The following PRKN variants were observed in gnomAD, a reference collection of about 807,000 sequenced individuals.
PRKN encodes parkin RBR E3 ubiquitin protein ligase, also known as E3 ubiquitin-protein ligase parkin.
In PRKN, 56 loss-of-function variants were observed where a neutral mutation model predicts 59.5. That is an observed-to-expected ratio of 0.94 (90% confidence interval 0.76 to 1.18). PRKN has a LOEUF of 1.18. Among genes scored for constraint, PRKN ranks in the 50% most tolerant of loss-of-function variants. The pLI, the probability that PRKN is intolerant of heterozygous loss-of-function variation, is 0.00. For synonymous variants in PRKN, 250 were observed against 222.1 expected, an observed-to-expected ratio of 1.13 and a Z score of -1.12; for missense variants, 657 against 596.4, an observed-to-expected ratio of 1.10 and a Z score of -1.06.
chr6:162,563,550 C>T (rs987623465), intron 1 of PRKN, among the ~76,000 whole-genome samples: 1 of 152,144 alleles, frequency 6.6e-6, no homozygotes, highest in Non-Finnish European at 1.5e-5. Context: ...AAGATGGCTA[C>T]AAATAAGCCC....
In PRKN at chr6:161,533,937, A is replaced by G. The variant is rs1312711602; in HGVS notation, c.1083+14917T>C. On this transcript the variant is annotated intron_variant, in intron 9 of 11. Transcript: ENST00000366898. This position sits in a 1 kb window ranked among gnomAD's most constrained non-coding sequence, Gnocchi z 4.1. ...TATAAGGTAGGAAGGCTGTATATTCACACGACACTCGCCGTCACAGTGGTC... is the reference window on the plus strand; with the variant it reads ...TATAAGGTAGGAAGGCTGTATATTCGCACGACACTCGCCGTCACAGTGGTC... 6.6e-6 allele frequency among the ~76,000 whole-genome samples: 1 copy of G among 152,114 alleles called. No individual in the cohort carries two copies. The highest frequency in any genetic ancestry group is 1.5e-5 in the Non-Finnish European group (1 of 68,018).
intron 1 of PRKN, among the ~76,000 whole-genome samples, chr6:162,527,585 C>T (rs2846502): frequency 0.44 from 66,810 of 152,008 alleles, 16,981 homozygotes; most frequent in Non-Finnish European, 0.58. Flanking sequence ...AACTGGGTCA[C>T]GTATAAAGGT....
chr6:161,378,485 C>T lies in PRKN; in HGVS notation c.1167+8309G>A, dbSNP rs2114921159. Among the ~76,000 whole-genome samples, 1 of 152,312 alleles carries T rather than the reference C, an allele frequency of 6.6e-6. No individual in the cohort carries two copies. The highest frequency in any genetic ancestry group is 1.9e-4 in the East Asian group (1 of 5,168). On this transcript the variant is annotated intron_variant, in intron 10 of 11. Transcript: ENST00000366898. The surrounding 1 kb of genome is among the most constrained non-coding windows in gnomAD (Gnocchi z 7.3). Reference sequence around the variant, plus strand: ...TGGCCAGTGGGTGTCAGGTGGATCACAGTGACACCAGGGAAGATGAAGACA... The same window carrying T: ...TGGCCAGTGGGTGTCAGGTGGATCATAGTGACACCAGGGAAGATGAAGACA...
chr6:161,590,310 T>C lies in PRKN; in HGVS notation c.872-20894A>G, dbSNP rs551509239. ...CTCCAACACTCTTGCCAAAAATGCATAACTTGGTTGGGTACGGTGGATCAC... is the reference window on the plus strand; with the variant it reads ...CTCCAACACTCTTGCCAAAAATGCACAACTTGGTTGGGTACGGTGGATCAC... On this transcript the variant is annotated intron_variant, in intron 7 of 11. Coordinates refer to ENST00000366898, the MANE Select transcript of PRKN (RefSeq NM_004562.3). Among the ~76,000 whole-genome samples, 18 of 152,184 alleles carry C rather than the reference T, an allele frequency of 1.2e-4. 1 individual carries two copies. In the South Asian group the frequency reaches 3.5e-3, roughly 30 times the overall value.
intron 4 of PRKN, among the ~76,000 whole-genome samples, chr6:162,105,882 G>A (rs1170988608): frequency 3.9e-5 from 6 of 152,140 alleles, no homozygotes; most frequent in Non-Finnish European, 8.8e-5. Context: ...CTGAGGTTTG[G>A]AACATTATTA....
intron 7 of PRKN, among the ~76,000 whole-genome samples, chr6:161,714,814 G>A (rs1056953619): frequency 2.0e-5 from 3 of 152,116 alleles, no homozygotes; most frequent in East Asian, 3.9e-4. Context: ...GGACAGAACC[G>A]GTGAGAGATG....
At chr6:161,392,069 C>T (rs531944241) in intron 9 of PRKN, among the ~76,000 whole-genome samples, 55 of 152,058 alleles carry the variant, frequency 3.6e-4, no homozygotes, top group African/African-American at 5.3e-4. Context: ...GGTCTGGTCT[C>T]TCTGGTGAAG....
chr6:161,676,121 C>G (rs1022441963), intron 7 of PRKN, among the ~76,000 whole-genome samples: 4 of 152,350 alleles, frequency 2.6e-5, no homozygotes, highest in Admixed American at 2.6e-4. Context: ...ATCTTCCAAG[C>G]CTGCAGCCCC....
In PRKN at chr6:162,440,932, A is replaced by G. The variant is rs981564094; in HGVS notation, c.171+2378T>C. 3.3e-5 allele frequency among the ~76,000 whole-genome samples: 5 copies of G among 151,926 alleles called. No homozygotes were observed. In the South Asian group the frequency reaches 6.2e-4, roughly 19 times the overall value. The stretch of plus-strand genomic sequence containing the variant: ...TAAAATTCTGCCAGTTGTACACTTA[A>G]AGAAAACATAGCCATCAATTTGCAA... On this transcript the variant is annotated intron_variant, in intron 2 of 11. Coordinates refer to ENST00000366898, the MANE Select transcript of PRKN (RefSeq NM_004562.3).
At chr6:162,532,378 C>T (rs572398955) in intron 1 of PRKN, among the ~76,000 whole-genome samples, 3 of 152,346 alleles carry the variant, frequency 2.0e-5, no homozygotes, top group Admixed American at 2.0e-4. Flanking sequence ...TAGTGCACAT[C>T]GTTACACATC....
At chr6:162,111,264 G>A (rs1780422592) in intron 4 of PRKN, among the ~76,000 whole-genome samples, 1 of 152,090 alleles carries the variant, frequency 6.6e-6, no homozygotes, top group East Asian at 1.9e-4. Context: ...AGGAGATCGA[G>A]ACCATCCCGG....
At chr6:162,103,091 TG>T (rs1490393429) in intron 4 of PRKN, among the ~76,000 whole-genome samples, 3 of 130,490 alleles carry the variant, frequency 2.3e-5, no homozygotes, top group Non-Finnish European at 3.4e-5. Context: ...TGAATGAAAA[TG>T]TGTATTAGCT....
intron 6 of PRKN, among the ~76,000 whole-genome samples, chr6:161,818,328 T>TC (rs1258923450): frequency 1.9e-5 from 1 of 52,120 alleles, no homozygotes; most frequent in African/African-American, 5.3e-5. Flanking sequence ...TCACTTGTTT[T>TC]AATTTTTTTT....
At chr6:161,511,192 C>T (rs531254967) in intron 9 of PRKN, among the ~76,000 whole-genome samples, 1 of 152,176 alleles carries the variant, frequency 6.6e-6, no homozygotes, top group South Asian at 2.1e-4. Flanking sequence ...AAAACAATCA[C>T]CTGAAGAGAT....
intron 2 of PRKN, among the ~76,000 whole-genome samples, chr6:162,279,446 A>G (rs56247756): frequency 0.086 from 13,073 of 151,854 alleles, 741 homozygotes; most frequent in South Asian, 0.25. Context: ...AAAGAAAGAA[A>G]GAGACAGAAA....
chr6:161,730,424 T>G (rs1037909693), intron 7 of PRKN, among the ~76,000 whole-genome samples: 2 of 151,212 alleles, frequency 1.3e-5, no homozygotes, highest in African/African-American at 4.9e-5. Context: ...CTTTCTGATA[T>G]GTTGCATTCT....
intron 1 of PRKN, among the ~76,000 whole-genome samples, chr6:162,477,111 A>C (rs928430547): frequency 5.9e-5 from 9 of 152,194 alleles, no homozygotes; most frequent in African/African-American, 1.9e-4. Flanking sequence ...TCTTTGAGGG[A>C]GTTAAGAAAA....
chr6:162,600,308 T>C (rs1562423403), intron 1 of PRKN, among the ~76,000 whole-genome samples: 1 of 152,232 alleles, frequency 6.6e-6, no homozygotes, highest in Non-Finnish European at 1.5e-5. Flanking sequence ...ATCAGTAGTT[T>C]ATTTTTTAAT....
At chr6:161,685,381 A>G (rs2128173660) in intron 7 of PRKN, among the ~76,000 whole-genome samples, 1 of 152,328 alleles carries the variant, frequency 6.6e-6, no homozygotes, top group South Asian at 2.1e-4. Flanking sequence ...CTCCTGCTGA[A>G]CAACTAAGAA....
Sources: allele counts gnomAD v4.1 joint callset (sites outside exome capture counted in the v4.1 genomes callset), GRCh38; gene constraint gnomAD v4.1.1; non-coding constraint Gnocchi (gnomAD v3.1); transcripts MANE v1.5; gene names NCBI Gene and HGNC (gene_info 2026-07-23, HGNC 2026-07-21).